MED15: variants seen among roughly 807,000 people sequenced by gnomAD.
MED15 encodes the protein mediator complex subunit 15.
In MED15, 41 loss-of-function variants were observed where a neutral mutation model predicts 118.7. The observed-to-expected ratio is 0.35, with a 90% CI of 0.27 to 0.45. The LOEUF (loss-of-function observed/expected upper bound fraction) is 0.45, where lower values mean the gene tolerates loss of function less well. Ranked by LOEUF, MED15 falls within the 20% of genes least tolerant of loss-of-function variation. The pLI, the probability that MED15 is intolerant of heterozygous loss-of-function variation, is 1.00. For missense variants in MED15, 740 were observed against 1,025.5 expected, an observed-to-expected ratio of 0.72 and a Z score of 3.80; for synonymous variants, 436 against 413.9, an observed-to-expected ratio of 1.05 and a Z score of -0.65.
At chr22:20,535,586 G>GTC (rs1326020761) in intron 1 of MED15, among the ~76,000 whole-genome samples, 6 of 150,470 alleles carry the variant, frequency 4.0e-5, no homozygotes, top group Non-Finnish European at 8.9e-5. Flanking sequence ...TTGAGACGGA[G>GTC]TCTCGCACTG....
chr22:20,574,906 T>G, intron 8 of MED15: 1 of 678,608 alleles, frequency 1.5e-6, no homozygotes, highest in South Asian at 1.7e-5. Context: ...TTGGCAAATC[T>G]TCTAGATTCC....
intron 9 of MED15, among the ~76,000 whole-genome samples, chr22:20,579,853 C>A (rs2056926858): frequency 6.6e-6 from 1 of 152,126 alleles, no homozygotes; most frequent in South Asian, 2.1e-4. Context: ...AGGTGGTGTG[C>A]ACTCAGAAAC....
Position 20,564,505 on chromosome 22 carries a change from C to CCAGCAGCAGCAGCAGGCGGCGCTA in MED15, c.523_546dup (p.Ala175_Gln182dup). The CCAGCAGCAGCAGCAGGCGGCGCTA allele has an allele frequency of 3.7e-6, 6 of 1,600,258 alleles. No individual in the cohort carries two copies. The highest frequency in any genetic ancestry group is 3.4e-6 in the Non-Finnish European group (4 of 1,169,352). On this transcript the variant is annotated inframe_insertion, in exon 6 of 18. Coordinates refer to ENST00000263205, the MANE Select transcript of MED15 (RefSeq NM_001003891.3). ...AGCAGCAGCAGCAACAGCAGCAGTTCCAGCAGCAGCAGCAGGCGGCGCTAC... is the reference window on the plus strand; with the variant it reads ...AGCAGCAGCAGCAACAGCAGCAGTTCCAGCAGCAGCAGCAGGCGGCGCTACAGCAGCAGCAGCAGGCGGCGCTAC...
rs758769640 is a variant in MED15, at chr22:20,582,694, C to A, written c.1356C>A (p.Pro452=). The A allele has an allele frequency of 2.0e-5, 32 of 1,597,592 alleles. No individual in the cohort carries two copies. The highest frequency in any genetic ancestry group is 8.4e-5 in the Admixed American group (5 of 59,756). ...CCCCGCAGTCGATGCCCCCTCCCCCCCAGCCGTCCCCGCAGCCCGGCCAGC... is the reference window on the plus strand; with the variant it reads ...CCCCGCAGTCGATGCCCCCTCCCCCACAGCCGTCCCCGCAGCCCGGCCAGC... ...VQTPQSMPPP[P]QPSPQPGQPS... Residue 452 remains proline (P), a synonymous_variant, in exon 10 of 18, where the codon CCC becomes CCA. Coordinates refer to ENST00000263205, the MANE Select transcript of MED15 (RefSeq NM_001003891.3).
chr22:20,518,568 C>T (rs2014654), intron 1 of MED15, among the ~76,000 whole-genome samples: 130,433 of 152,158 alleles, frequency 0.86, 56,257 homozygotes, highest in African/African-American at 0.95. Flanking sequence ...CATCCTGACA[C>T]GAACTGAACA....
At chr22:20,525,719 A>G (rs1483057784) in intron 1 of MED15, among the ~76,000 whole-genome samples, 2 of 150,644 alleles carry the variant, frequency 1.3e-5, no homozygotes, top group East Asian at 3.9e-4. Flanking sequence ...TATTTTTAGT[A>G]GAGACGGGGT....
chr22:20,547,593 G>A (rs1338788040), intron 2 of MED15, among the ~76,000 whole-genome samples: 1 of 152,136 alleles, frequency 6.6e-6, no homozygotes, highest in East Asian at 1.9e-4. Context: ...GCTGAGGTGG[G>A]CGGATCAGAA....
chr22:20,507,996 T>G (rs1323439832), intron 1 of MED15: 2 of 1,425,356 alleles, frequency 1.4e-6, no homozygotes, highest in Non-Finnish European at 1.8e-6. Flanking sequence ...CGTCTTGAGC[T>G]TTCTCATTCG....
chr22:20,557,313 C>T (rs902131093), intron 5 of MED15, among the ~76,000 whole-genome samples: 13 of 152,172 alleles, frequency 8.5e-5, no homozygotes, highest in African/African-American at 3.1e-4. Flanking sequence ...TTTCTACCCA[C>T]TCCTGCTCTG....
intron 9 of MED15, among the ~76,000 whole-genome samples, chr22:20,581,620 C>T (rs1260238026): frequency 6.6e-6 from 1 of 152,158 alleles, no homozygotes; most frequent in Non-Finnish European, 1.5e-5. Flanking sequence ...AGGCATCCCT[C>T]TTTGCTGAGA....
intron 2 of MED15, among the ~76,000 whole-genome samples, chr22:20,540,664 G>A (rs952987353): frequency 2.0e-5 from 3 of 152,020 alleles, no homozygotes; most frequent in African/African-American, 4.8e-5. Flanking sequence ...AAGCAGAGGC[G>A]TACATCTTCA....
intron 13 of MED15, chr22:20,584,040 G>C (rs780809547): frequency 9.5e-5 from 38 of 398,486 alleles, no homozygotes; most frequent in Non-Finnish European, 1.3e-4. Context: ...GGTCTTCATG[G>C]GTTGATCCTT....
intron 5 of MED15, among the ~76,000 whole-genome samples, chr22:20,557,966 C>T (rs165855): frequency 0.2 from 30,002 of 152,024 alleles, 3,014 homozygotes; most frequent in South Asian, 0.25. Flanking sequence ...ATTAGCCGGG[C>T]GTAGTGGTGG....
intron 14 of MED15, 106 bp downstream of exon 14, chr22:20,584,531 G>A: frequency 7.4e-7 from 1 of 1,348,254 alleles, no homozygotes; most frequent in African/African-American, 1.4e-5. Flanking sequence ...GCGGGGGCCG[G>A]GCCTGACCTT....
chr22:20,587,613 CTG>C lies in MED15; in HGVS notation c.*913_*914del. On this transcript the variant is annotated 3_prime_UTR_variant, in exon 18 of 18. Transcript: ENST00000263205. ...TGTGATTATAATAAATTTATTATTC[CTG>C]TGTTTGTCAGTTGTTCATCACTGTG... The C allele has an allele frequency of 1.8e-6, 1 of 541,390 alleles. No individual in the cohort carries two copies. The highest frequency in any genetic ancestry group is 2.9e-6 in the Non-Finnish European group (1 of 343,966). 33.5% of individuals were successfully genotyped at this position (541,390 alleles called of 1,614,324 possible).
chr22:20,549,230 T>C (rs886320), intron 2 of MED15, among the ~76,000 whole-genome samples: 122,080 of 152,130 alleles, frequency 0.8, 49,042 homozygotes, highest in East Asian at 0.86. Flanking sequence ...TGTCTGGCAC[T>C]GTAAAGTGCC....
At chr22:20,561,727 A>C (rs2056249710) in intron 5 of MED15, among the ~76,000 whole-genome samples, 1 of 152,166 alleles carries the variant, frequency 6.6e-6, no homozygotes, top group Non-Finnish European at 1.5e-5. Flanking sequence ...ATAAAAGATG[A>C]AGAAAGGCCA....
chr22:20,522,386 C>T (rs1283099433), intron 1 of MED15, among the ~76,000 whole-genome samples: 2 of 151,976 alleles, frequency 1.3e-5, no homozygotes, highest in African/African-American at 2.4e-5. Context: ...CAGGCACTCT[C>T]GTTGATTTTG....
At chr22:20,542,273 T>C (rs1223052815) in intron 2 of MED15, among the ~76,000 whole-genome samples, 1 of 152,300 alleles carries the variant, frequency 6.6e-6, no homozygotes, top group South Asian at 2.1e-4. Flanking sequence ...ACACAAATGT[T>C]TATAGCATCA....
Sources: allele counts gnomAD v4.1 joint callset (sites outside exome capture counted in the v4.1 genomes callset), GRCh38; gene constraint gnomAD v4.1.1; transcripts MANE v1.5; gene names NCBI Gene and HGNC (gene_info 2026-07-23, HGNC 2026-07-21).